The following NUP133 variants were observed in gnomAD, a reference collection of about 807,000 sequenced individuals.
NUP133 encodes nucleoporin 133.
In NUP133, 66 loss-of-function variants were observed where a neutral mutation model predicts 146.2. That is an observed-to-expected ratio of 0.45 (90% CI 0.37 to 0.55). The LOEUF (loss-of-function observed/expected upper bound fraction) is 0.55, where lower values mean the gene tolerates loss of function less well. Ranked by LOEUF, NUP133 falls within the 20% of genes least tolerant of loss-of-function variation. The pLI is 0.00. For missense variants in NUP133, 1,277 were observed against 1,374.8 expected, an observed-to-expected ratio of 0.93 and a Z score of 1.12; for synonymous variants, 521 against 498.8, an observed-to-expected ratio of 1.04 and a Z score of -0.59.
Position 229,470,610 on chromosome 1 carries a change from G to C in NUP133, c.2046C>G (p.Asn682Lys). The change falls in exon 15 of 26, where the codon AAC (asparagine) becomes AAG (lysine). Residue 682 changes from asparagine (N) to lysine (K), a missense_variant. Physicochemically the swap from Asn to Lys is moderately conservative, Grantham distance 94 (BLOSUM62 0). Transcript: ENST00000261396. ...LNKREYEIPS[N>K]LTPADVFFRE... ...TGAAAAAGACATCTGCAGGAGTCAG[G>C]TTGGATGGGATTTCATACTCCCTCT... The C allele has an allele frequency of 6.2e-7, 1 of 1,614,194 alleles. No individual in the cohort carries two copies. The highest frequency in any genetic ancestry group is 8.5e-7 in the Non-Finnish European group (1 of 1,180,026).
chr1:229,452,715 A>G lies in NUP133; in HGVS notation c.2981-72T>C, dbSNP rs1660481627. 4.3e-6 allele frequency: 5 copies of G among 1,152,646 alleles called. No individual in the cohort carries two copies. In the East Asian group the frequency reaches 1.2e-4, roughly 28 times the overall value. 71.4% of individuals were successfully genotyped at this position (1,152,646 alleles called of 1,614,324 possible). On this transcript the variant is annotated intron_variant, in intron 21 of 25. Coordinates refer to ENST00000261396, the MANE Select transcript of NUP133 (RefSeq NM_018230.3). ...GACTTTTGCTCTCATTTTTGCTGTC[A>G]TAAAACAAATCTGAATTTTAAAAGA...
chr1:229,470,940 CTT>C, intron 14 of NUP133, 136 bp from the exon 15 acceptor site: 7 of 676,356 alleles, frequency 1.0e-5, no homozygotes, highest in East Asian at 2.7e-5. Context: ...CCAGCTGTCT[CTT>C]GTTTTAACTG....
At chr1:229,452,487 G>A (rs1660473362) in intron 22 of NUP133, 38 bp downstream of exon 22, 15 of 1,526,902 alleles carry the variant, frequency 9.8e-6, no homozygotes, top group African/African-American at 1.4e-5. Context: ...AAGGTTTTGA[G>A]TTTAAGAAAT....
intron 1 of NUP133, among the ~76,000 whole-genome samples, chr1:229,507,555 A>G (rs1171610984): frequency 6.6e-6 from 1 of 152,192 alleles, no homozygotes; most frequent in Non-Finnish European, 1.5e-5. Flanking sequence ...ATTTACCTAG[A>G]AAGTTAAATT....
At chr1:229,489,570 G>T (rs903432741) in intron 9 of NUP133, among the ~76,000 whole-genome samples, 1 of 152,166 alleles carries the variant, frequency 6.6e-6, no homozygotes, top group Non-Finnish European at 1.5e-5. Flanking sequence ...AATCTGTCAC[G>T]AAATTTGACC....
At chr1:229,491,587 T>A in intron 8 of NUP133, among the ~76,000 whole-genome samples, 1 of 152,342 alleles carries the variant, frequency 6.6e-6, no homozygotes, top group Non-Finnish European at 1.5e-5. Context: ...GAGACCAGCC[T>A]GGCCAACATG....
Position 229,440,361 on chromosome 1 carries a change from GC to G in NUP133, c.*1542del, listed in dbSNP as rs1424197847. 6.6e-6 allele frequency: 1 copy of G among 152,170 alleles called. No individual in the cohort carries two copies. Among genetic ancestry groups the G allele is most frequent in the Non-Finnish European group, 1.5e-5 (1 of 68,042 alleles). The allele number at this position is 152,170 out of a possible 1,614,324, so 9.4% of individuals were successfully genotyped here. A position where few individuals can be genotyped will look rare whatever the true frequency, so the allele number is the denominator to read the frequency against. On this transcript the variant is annotated 3_prime_UTR_variant, in exon 26 of 26. Coordinates refer to ENST00000261396, the MANE Select transcript of NUP133 (RefSeq NM_018230.3). ...GAGAGAAACAGGATTAAAAGAGGGA[GC>G]TTTTTCTTCCCTTGAACAGGATGAC...
At chr1:229,484,230 TAG>T in intron 11 of NUP133, 85 bp from the exon 12 acceptor site, 1 of 877,044 alleles carries the variant, frequency 1.1e-6, no homozygotes, top group Non-Finnish European at 1.8e-6. Context: ...CATCCTATGA[TAG>T]CAACTCCGCA....
chr1:229,456,392 C>T (rs922319057), intron 21 of NUP133, among the ~76,000 whole-genome samples: 4 of 152,054 alleles, frequency 2.6e-5, no homozygotes, highest in African/African-American at 9.7e-5. Flanking sequence ...TTTCACTGAC[C>T]CTCTCCCTTT....
intron 19 of NUP133, among the ~76,000 whole-genome samples, 200 bp from the exon 20 acceptor site, chr1:229,460,969 A>C (rs1177675085): frequency 1.3e-5 from 2 of 152,248 alleles, no homozygotes; most frequent in Admixed American, 6.5e-5. Flanking sequence ...CATCTTGCTC[A>C]AGATCACTGA....
chr1:229,472,407 C>T (rs992999191), intron 14 of NUP133, among the ~76,000 whole-genome samples: 5 of 150,688 alleles, frequency 3.3e-5, no homozygotes, highest in Non-Finnish European at 7.4e-5. Context: ...GCAGCACTGA[C>T]AGTGAAGCAA....
intron 11 of NUP133, among the ~76,000 whole-genome samples, chr1:229,484,356 T>C (rs1440281629): frequency 6.6e-6 from 1 of 151,932 alleles, no homozygotes; most frequent in Non-Finnish European, 1.5e-5. Context: ...CTAACATTAA[T>C]GATAGCTGAT....
chr1:229,483,934 AC>A (rs904800960), intron 12 of NUP133, 119 bp downstream of exon 12: 11 of 647,696 alleles, frequency 1.7e-5, no homozygotes, highest in South Asian at 2.1e-5. Context: ...GCTCAAAAAA[AC>A]ATTCTCCTCT....
chr1:229,457,242 C>A (rs1316100689), intron 21 of NUP133, among the ~76,000 whole-genome samples: 3 of 152,146 alleles, frequency 2.0e-5, no homozygotes, highest in Non-Finnish European at 4.4e-5. Flanking sequence ...TACCCATCAC[C>A]TCAAGCAAGA....
In NUP133 at chr1:229,502,558, C is replaced by CAAAA. The variant is rs58520087; in HGVS notation, c.302-460_302-457dup. 7.5e-3 allele frequency among the ~76,000 whole-genome samples: 296 copies of CAAAA among 39,544 alleles called. 2 individuals are homozygous for CAAAA. Among genetic ancestry groups the CAAAA allele is most frequent in the Non-Finnish European group, 9.0e-3 (186 of 20,760 alleles). 25.9% of individuals were successfully genotyped at this position (39,544 alleles called of 152,430 possible). ...TGGGCAACAGAGCCAGACTCCATCTCAAAAAAAAAAAAAAAAAAAAAAGAA... is the reference window on the plus strand; with the variant it reads ...TGGGCAACAGAGCCAGACTCCATCTCAAAAAAAAAAAAAAAAAAAAAAAAAAGAA... On this transcript the variant is annotated intron_variant, in intron 2 of 25. Coordinates refer to ENST00000261396, the MANE Select transcript of NUP133 (RefSeq NM_018230.3).
At chr1:229,466,547 A>C in intron 16 of NUP133, 87 bp downstream of exon 16, 1 of 1,417,316 alleles carries the variant, frequency 7.1e-7, no homozygotes, top group Admixed American at 1.9e-5. Context: ...CATTATCGGC[A>C]ATACAGAGTA....
intron 17 of NUP133, 22 bp from the exon 18 acceptor site, chr1:229,464,897 T>C (rs1408791149): frequency 6.2e-7 from 1 of 1,612,498 alleles, no homozygotes; most frequent in Non-Finnish European, 8.5e-7. Flanking sequence ...CACAAAATAA[T>C]ATGGTTAAAG....
intron 2 of NUP133, among the ~76,000 whole-genome samples, chr1:229,504,663 G>A (rs1313077417): frequency 1.3e-5 from 2 of 152,170 alleles, no homozygotes; most frequent in Non-Finnish European, 2.9e-5. Flanking sequence ...TGAGGTGCCA[G>A]TTTTGGGGTT....
intron 11 of NUP133, among the ~76,000 whole-genome samples, chr1:229,484,850 T>C (rs991644769): frequency 6.6e-6 from 1 of 152,102 alleles, no homozygotes; most frequent in Non-Finnish European, 1.5e-5. Flanking sequence ...TTTTGTACTT[T>C]GTATAATTTT....
Sources: gnomAD v4.1 joint callset for allele counts (sites outside exome capture counted in the v4.1 genomes callset) on GRCh38, gnomAD v4.1.1 for gene constraint, MANE v1.5 for transcripts, NCBI Gene and HGNC (gene_info 2026-07-23, HGNC 2026-07-21) for gene names.